Variants in EBF2 observed in about 807,000 individuals in gnomAD.
EBF2 encodes EBF transcription factor 2, also known as transcription factor COE2.
A neutral mutation model predicts 72.8 loss-of-function variants in EBF2; 21 were observed. The observed-to-expected ratio is 0.29, with a 90% CI of 0.20 to 0.42. EBF2 has a LOEUF of 0.42. EBF2 is among the 10% of genes least tolerant of loss of function. The probability of loss-of-function intolerance (pLI) is 1.00; values close to 1 mark genes in which losing one functional copy is unlikely to be tolerated. For missense variants in EBF2, 637 were observed against 731.2 expected (o/e 0.87, Z 1.49); for synonymous variants, 299 against 274.2 (o/e 1.09, Z -0.89).
At chr8:26,017,220 A>G (rs1054370231) in intron 6 of EBF2, among the ~76,000 whole-genome samples, 2 of 152,070 alleles carry the variant, frequency 1.3e-5, no homozygotes, top group African/African-American at 4.8e-5. Context: ...GTTGACCTCA[A>G]AGTGAAGATT....
intron 6 of EBF2, among the ~76,000 whole-genome samples, chr8:25,975,291 A>C (rs937953797): frequency 6.6e-6 from 1 of 152,204 alleles, no homozygotes; most frequent in Non-Finnish European, 1.5e-5. Context: ...AAAACTGAAA[A>C]GGCCTTGGAG....
intron 6 of EBF2, among the ~76,000 whole-genome samples, chr8:26,011,210 T>C (rs1488522106): frequency 6.6e-6 from 1 of 152,238 alleles, no homozygotes; most frequent in Non-Finnish European, 1.5e-5. Flanking sequence ...GTTGGAAATA[T>C]TGTTTATATT....
intron 6 of EBF2, among the ~76,000 whole-genome samples, chr8:25,947,983 G>A (rs1247664900): frequency 2.0e-5 from 3 of 152,200 alleles, no homozygotes; most frequent in Admixed American, 1.3e-4. Flanking sequence ...CCCTGGAGCA[G>A]GGTTTGATAC....
At chr8:25,903,910 A>G (rs6999553) in intron 7 of EBF2, among the ~76,000 whole-genome samples, 103 of 152,330 alleles carry the variant, frequency 6.8e-4, no homozygotes, top group African/African-American at 2.4e-3. Context: ...GGAAGCTAGC[A>G]TTATATGCCT....
intron 7 of EBF2, among the ~76,000 whole-genome samples, chr8:25,892,320 C>G (rs1445481119): frequency 6.6e-6 from 1 of 152,130 alleles, no homozygotes; most frequent in Non-Finnish European, 1.5e-5. Context: ...GAAAGTGAAG[C>G]CTCCAAAGTG....
At chr8:25,932,970 A>T (rs1461202075) in intron 6 of EBF2, among the ~76,000 whole-genome samples, 1 of 152,184 alleles carries the variant, frequency 6.6e-6, no homozygotes, top group Non-Finnish European at 1.5e-5. Context: ...TTATTTGAAT[A>T]CCAAAAGGTA....
chr8:25,852,912 C>G (rs1181445466), intron 14 of EBF2, among the ~76,000 whole-genome samples: 2 of 152,128 alleles, frequency 1.3e-5, no homozygotes, highest in African/African-American at 4.8e-5. Context: ...TAAGAAGGCA[C>G]TTATCTTCAT....
At chr8:26,042,358 G>T in intron 1 of EBF2, 107 bp from the exon 2 acceptor site, 15 of 1,381,030 alleles carry the variant, frequency 1.1e-5, no homozygotes, top group Non-Finnish European at 1.5e-5. Flanking sequence ...CACTTCCCAG[G>T]TCCAGAGTTC....
intron 6 of EBF2, among the ~76,000 whole-genome samples, chr8:25,921,257 G>A (rs926052548): frequency 5.9e-5 from 9 of 152,052 alleles, no homozygotes; most frequent in African/African-American, 2.2e-4. Context: ...AAGCAAAACA[G>A]ATTTTCTTAT....
At chr8:25,965,612 A>G (rs1369020087) in intron 6 of EBF2, among the ~76,000 whole-genome samples, 3 of 152,238 alleles carry the variant, frequency 2.0e-5, no homozygotes, top group Non-Finnish European at 2.9e-5. Flanking sequence ...AGATGGTACC[A>G]ACTCAGACTG....
chr8:25,850,095 T>C (rs1801929966), intron 15 of EBF2, among the ~76,000 whole-genome samples: 1 of 152,192 alleles, frequency 6.6e-6, no homozygotes. Flanking sequence ...CTGTTTTCCC[T>C]GATCTTACTT....
chr8:26,015,617 T>A (rs1805098850), intron 6 of EBF2, among the ~76,000 whole-genome samples: 1 of 152,216 alleles, frequency 6.6e-6, no homozygotes, highest in Non-Finnish European at 1.5e-5. Flanking sequence ...CAGTCACTCT[T>A]GTTGCAAATG....
At chr8:25,866,963 AAAC>A (rs1236739675) in intron 10 of EBF2, among the ~76,000 whole-genome samples, 1 of 152,170 alleles carries the variant, frequency 6.6e-6, no homozygotes, top group Non-Finnish European at 1.5e-5. Flanking sequence ...TTTCAAAATT[AAAC>A]ATTAATTCAT....
At chr8:25,860,587 C>T (rs1308186951) in intron 13 of EBF2, among the ~76,000 whole-genome samples, 12 of 151,546 alleles carry the variant, frequency 7.9e-5, no homozygotes, top group East Asian at 5.8e-4. Context: ...AGTGTGCCAG[C>T]GCACCCCACT....
chr8:26,034,029 T>G (rs1485745), intron 5 of EBF2, among the ~76,000 whole-genome samples: 61,935 of 152,016 alleles, frequency 0.41, 13,983 homozygotes, highest in Middle Eastern at 0.59. Flanking sequence ...GATTTTATGA[T>G]ATTTTAGATA....
rs1805670893 is a variant in EBF2 at position 26,044,646 on chromosome 8, C to A, written c.131+83G>T. ...GGGGGGACAGGGAGAGAGAAAGGCA[C>A]GGGGTGCGCGGGGGGGGTGCACACG... is the stretch of plus-strand genomic sequence containing the variant. On this transcript the variant is annotated intron_variant, in intron 1 of 15. Transcript: ENST00000520164. This position sits in a 1 kb window ranked among gnomAD's most constrained non-coding sequence, Gnocchi z 4.1. 6.6e-7 allele frequency: 1 copy of A among 1,525,352 alleles called. No homozygotes were observed. Among genetic ancestry groups the A allele is most frequent in the Non-Finnish European group, 8.8e-7 (1 of 1,133,882 alleles). 94.5% of individuals were successfully genotyped at this position (1,525,352 alleles called of 1,614,324 possible).
At position 25,862,801 on chromosome 8, in the gene EBF2, A is replaced by G. The variant is rs1304859305; in HGVS notation, c.1010-4T>C. On this transcript the variant is annotated splice_polypyrimidine_tract_variant and splice_region_variant and intron_variant, in intron 10 of 15. Transcript: ENST00000520164. Reference sequence around the variant, plus strand: ...TCTATGGTGGGTTCATTTAATGCTGAAAGAGAAAAGTCCTCTTTCTGAGTT... The same window carrying G: ...TCTATGGTGGGTTCATTTAATGCTGGAAGAGAAAAGTCCTCTTTCTGAGTT... 5 of 1,579,170 alleles carry G rather than the reference A, an allele frequency of 3.2e-6. No homozygotes were observed. Among genetic ancestry groups the G allele is most frequent in the Non-Finnish European group, 4.3e-6 (5 of 1,162,278 alleles).
chr8:25,854,179 T>C (rs1585258989), intron 14 of EBF2, among the ~76,000 whole-genome samples: 1 of 151,314 alleles, frequency 6.6e-6, no homozygotes. Context: ...CCTCTTTCAT[T>C]TAAGGCTGTA....
chr8:25,867,994 C>G (rs1482520333), intron 10 of EBF2, among the ~76,000 whole-genome samples: 1 of 152,184 alleles, frequency 6.6e-6, no homozygotes, highest in Admixed American at 6.5e-5. Context: ...TCCCCCTCTG[C>G]CCACTGAAAT....
Sources: gnomAD v4.1 joint callset for allele counts (sites outside exome capture counted in the v4.1 genomes callset) on GRCh38, gnomAD v4.1.1 for gene constraint, Gnocchi (gnomAD v3.1) non-coding constraint, MANE v1.5 for transcripts, NCBI Gene and HGNC (gene_info 2026-07-23, HGNC 2026-07-21) for gene names.